Variants in NAV3 observed in about 807,000 individuals in gnomAD.
NAV3 encodes the protein pore membrane and/or filament interacting like protein 1.
In NAV3, 87 loss-of-function variants were observed where a neutral mutation model predicts 244.7. That is an observed-to-expected ratio of 0.36 (90% CI 0.30 to 0.42). The LOEUF is 0.42. Among genes scored for constraint, NAV3 ranks in the 20% least tolerant of loss-of-function variants. The pLI, the probability that NAV3 is intolerant of heterozygous loss-of-function variation, is 1.00. For missense variants in NAV3, 2,663 were observed against 2,893.3 expected (o/e 0.92, Z 1.83); for synonymous variants, 1,126 against 1,042.2 (o/e 1.08, Z -1.55).
intron 1 of NAV3, among the ~76,000 whole-genome samples, chr12:77,838,233 G>A (rs986499873): frequency 6.6e-6 from 1 of 152,148 alleles, no homozygotes; most frequent in African/African-American, 2.4e-5. Flanking sequence ...TGGTAACAAT[G>A]GTCGGAGAAT....
chr12:77,854,171 A>G (rs1166415271), intron 1 of NAV3, among the ~76,000 whole-genome samples: 3 of 152,220 alleles, frequency 2.0e-5, no homozygotes, highest in Admixed American at 6.5e-5. Flanking sequence ...AGTTACTGAT[A>G]TATTTAACAT....
chr12:77,892,115 C>T (rs536823987), intron 1 of NAV3, among the ~76,000 whole-genome samples: 2 of 152,140 alleles, frequency 1.3e-5, no homozygotes, highest in African/African-American at 4.8e-5. Context: ...CACAGGTAAT[C>T]TGTGGAAATA....
intron 9 of NAV3, among the ~76,000 whole-genome samples, chr12:78,048,709 G>C (rs1007598995): frequency 2.6e-5 from 4 of 152,206 alleles, no homozygotes; most frequent in African/African-American, 7.2e-5. Context: ...GGACCCACTT[G>C]AGGAGGCTGT....
At chr12:77,836,387 A>T (rs1374446033) in intron 1 of NAV3, among the ~76,000 whole-genome samples, 4 of 152,024 alleles carry the variant, frequency 2.6e-5, no homozygotes, top group Non-Finnish European at 4.4e-5. Flanking sequence ...TCTTGGGCTC[A>T]CTCATTCCTT....
At chr12:77,899,966 A>G (rs1046157238) in intron 1 of NAV3, among the ~76,000 whole-genome samples, 1 of 152,144 alleles carries the variant, frequency 6.6e-6, no homozygotes, top group Admixed American at 6.6e-5. Flanking sequence ...TTGGGGCACC[A>G]ATGATCCTGT....
intron 2 of NAV3, among the ~76,000 whole-genome samples, chr12:77,608,700 G>A (rs923354891): frequency 1.3e-5 from 2 of 152,076 alleles, no homozygotes; most frequent in African/African-American, 4.8e-5. Context: ...AATGAACTGG[G>A]AGTTCTCTAT....
At chr12:78,094,117 G>T (rs1023768350) in intron 12 of NAV3, among the ~76,000 whole-genome samples, 5 of 152,182 alleles carry the variant, frequency 3.3e-5, no homozygotes, top group African/African-American at 1.2e-4. Context: ...TGGGATTACA[G>T]GCATGCACCA....
At chr12:78,154,226 T>G (rs148546086) in intron 22 of NAV3, among the ~76,000 whole-genome samples, 2 of 140,062 alleles carry the variant, frequency 1.4e-5, no homozygotes, top group African/African-American at 5.2e-5. Flanking sequence ...TATATGCCTA[T>G]ATATGCACCT....
intron 1 of NAV3, among the ~76,000 whole-genome samples, chr12:77,842,371 C>G (rs370874024): frequency 3.7e-4 from 57 of 152,098 alleles, no homozygotes; most frequent in African/African-American, 1.4e-3. Flanking sequence ...AGGTCTCTCT[C>G]TTGGTCCTGC....
At chr12:77,845,740 G>T (rs889892329) in intron 1 of NAV3, among the ~76,000 whole-genome samples, 1 of 145,568 alleles carries the variant, frequency 6.9e-6, no homozygotes. Flanking sequence ...TGCAACATCC[G>T]CCTCCTGGGT....
intron 12 of NAV3, among the ~76,000 whole-genome samples, chr12:78,111,796 C>T (rs1955106106): frequency 6.6e-6 from 1 of 151,992 alleles, no homozygotes; most frequent in Middle Eastern, 3.2e-3. Context: ...AGAGGCTGAG[C>T]TTTACTTTAG....
chr12:77,837,146 G>A (rs11106932), intron 1 of NAV3, among the ~76,000 whole-genome samples: 31 of 151,876 alleles, frequency 2.0e-4, no homozygotes, highest in South Asian at 2.1e-4. Context: ...AGAAAAGACC[G>A]AATTTTTGAA....
intron 20 of NAV3, chr12:78,143,460 G>A (rs751418659): frequency 4.4e-5 from 17 of 385,902 alleles, no homozygotes; most frequent in Non-Finnish European, 7.6e-5. Flanking sequence ...GCAAAACCCC[G>A]TCTCTACTAA....
intron 1 of NAV3, among the ~76,000 whole-genome samples, chr12:77,898,577 G>T (rs923471726): frequency 6.6e-6 from 1 of 152,186 alleles, no homozygotes; most frequent in Admixed American, 6.5e-5. Context: ...GGCAAAGTAT[G>T]TGATCAGTGG....
At chr12:78,086,260 T>G (rs1186098726) in intron 12 of NAV3, among the ~76,000 whole-genome samples, 1 of 152,128 alleles carries the variant, frequency 6.6e-6, no homozygotes, top group Admixed American at 6.6e-5. Flanking sequence ...TTTGTTTACA[T>G]TTGTTTTAAT....
chr12:78,113,261 A>G (rs1017203974), intron 12 of NAV3, among the ~76,000 whole-genome samples: 2 of 152,314 alleles, frequency 1.3e-5, no homozygotes, highest in African/African-American at 4.8e-5. Context: ...TGTGGTCTGG[A>G]GGATGGTGGC....
chr12:77,965,684 A>G (rs1892451358), intron 3 of NAV3, among the ~76,000 whole-genome samples: 1 of 152,204 alleles, frequency 6.6e-6, no homozygotes, highest in South Asian at 2.1e-4. Flanking sequence ...AATATCAAAC[A>G]AAATACCTGT....
At position 78,119,957 on chromosome 12, in the gene NAV3, T is replaced by C; in HGVS notation, c.3749+12T>C. ...CCCACATTTCGAAGGTAAGGATGTA[T>C]AAAATGATGCTGGAAAAATATAAAG... is the stretch of plus-strand genomic sequence containing the variant. On this transcript the variant is annotated intron_variant, in intron 15 of 39. Transcript: ENST00000397909. 6.3e-7 allele frequency: 1 copy of C among 1,594,644 alleles called. No homozygotes were observed. The highest frequency in any genetic ancestry group is 1.1e-5 in the South Asian group (1 of 89,548).
In NAV3 at chr12:78,036,812, G is replaced by T. The variant is rs1279145623; in HGVS notation, c.2024-13181G>T. The stretch of plus-strand genomic sequence containing the variant: ...CAAATGGATCAGTTACAATCACAGT[G>T]TAACAAGACAATATGAAGTCCAATT... On this transcript the variant is annotated intron_variant, in intron 9 of 39. Transcript: ENST00000397909. 1.1e-5 allele frequency: 7 copies of T among 629,956 alleles called. No homozygotes were observed. The African/African-American group carries it at 1.3e-4, about 12-fold the overall frequency. The allele number at this position is 629,956 out of a possible 1,614,324, so 39.0% of individuals were successfully genotyped here.
Sources: gnomAD v4.1 joint callset for allele counts (sites outside exome capture counted in the v4.1 genomes callset) on GRCh38, gnomAD v4.1.1 for gene constraint, MANE v1.5 for transcripts, NCBI Gene and HGNC (gene_info 2026-07-23, HGNC 2026-07-21) for gene names.